Variants in KSR2 observed in about 807,000 individuals in gnomAD.
The protein encoded by KSR2 is kinase suppressor of ras 2.
KSR2 carries 25 observed loss-of-function variants against 107.8 expected under a neutral mutation model. That is an observed-to-expected ratio of 0.23 (90% CI 0.17 to 0.32). KSR2 has a LOEUF of 0.32. Among genes scored for constraint, KSR2 ranks in the 10% least tolerant of loss-of-function variants. KSR2 has a pLI of 1.00. For synonymous variants in KSR2, 480 were observed against 507.0 expected, an observed-to-expected ratio of 0.95 and a Z score of 0.71; for missense variants, 887 against 1,268.9, an observed-to-expected ratio of 0.70 and a Z score of 4.57.
At chr12:117,635,310 G>A (rs1053917412) in intron 5 of KSR2, among the ~76,000 whole-genome samples, 11 of 152,202 alleles carry the variant, frequency 7.2e-5, no homozygotes, top group African/African-American at 1.4e-4. Flanking sequence ...GGGAGGGTAG[G>A]TGATTATGAA....
At chr12:117,966,611 T>TCTCA (rs1555262158) in intron 1 of KSR2, among the ~76,000 whole-genome samples, 6 of 77,164 alleles carry the variant, frequency 7.8e-5, no homozygotes, top group African/African-American at 9.9e-5. Flanking sequence ...TCTCTCTCTC[T>TCTCA]CACACGCGCA....
intron 4 of KSR2, among the ~76,000 whole-genome samples, chr12:117,738,844 C>T (rs751623837): frequency 1.9e-4 from 29 of 152,092 alleles, no homozygotes; most frequent in East Asian, 3.9e-4. Flanking sequence ...CACTGCACTC[C>T]GGCCTGGGCG....
chr12:117,586,781 G>A (rs952538297), intron 5 of KSR2, among the ~76,000 whole-genome samples: 8 of 151,976 alleles, frequency 5.3e-5, no homozygotes, highest in South Asian at 2.1e-4. Context: ...CACACATAGC[G>A]TATCAGCCAT....
intron 5 of KSR2, among the ~76,000 whole-genome samples, chr12:117,603,358 A>C (rs996003120): frequency 2.6e-5 from 4 of 152,258 alleles, no homozygotes; most frequent in Non-Finnish European, 5.9e-5. Context: ...AACTGAAACC[A>C]AGATTACAGT....
intron 13 of KSR2, 27 bp downstream of exon 13, chr12:117,527,044 G>A: frequency 6.2e-7 from 1 of 1,609,798 alleles, no homozygotes; most frequent in East Asian, 2.2e-5. Flanking sequence ...CCTGGAAAAT[G>A]TCGCTTCACT....
chr12:117,747,914 A>G (rs1219208858), intron 4 of KSR2, among the ~76,000 whole-genome samples: 1 of 152,208 alleles, frequency 6.6e-6, no homozygotes, highest in Non-Finnish European at 1.5e-5. Flanking sequence ...AATACTAAAA[A>G]TAGAACTACC....
In KSR2 at chr12:117,792,329, G is replaced by A. The variant is rs181297289; in HGVS notation, c.473-30805C>T. On this transcript the variant is annotated intron_variant, in intron 3 of 19. Coordinates refer to ENST00000339824, the MANE Select transcript of KSR2 (RefSeq NM_173598.6). ...CGTGCCATTGCACTCCAGCCTGGTT[G>A]ACAGAGTGAGACACTGTCTTTAAAA... Among the ~76,000 whole-genome samples the A allele has an allele frequency of 1.9e-3, 285 of 151,828 alleles. 3 individuals are homozygous for A. Among genetic ancestry groups the A allele is most frequent in the African/African-American group, 6.7e-3 (275 of 41,320 alleles).
At chr12:117,963,166 A>C (rs906971612) in intron 1 of KSR2, among the ~76,000 whole-genome samples, 1 of 151,672 alleles carries the variant, frequency 6.6e-6, no homozygotes, top group African/African-American at 2.4e-5. Context: ...CTCCAGCCTG[A>C]GCAACGGAGC....
intron 1 of KSR2, among the ~76,000 whole-genome samples, chr12:117,938,002 A>G (rs1289583995): frequency 6.7e-6 from 1 of 149,934 alleles, no homozygotes; most frequent in East Asian, 1.9e-4. Context: ...AGCCTGAAAC[A>G]TATTAGACTC....
intron 4 of KSR2, among the ~76,000 whole-genome samples, chr12:117,721,412 A>C (rs907972992): frequency 1.3e-5 from 2 of 152,250 alleles, no homozygotes; most frequent in Admixed American, 1.3e-4. Context: ...GGTCAGAATA[A>C]TACTATTAAT....
chr12:117,818,114 A>T (rs1478328814), intron 3 of KSR2, among the ~76,000 whole-genome samples: 2 of 152,060 alleles, frequency 1.3e-5, no homozygotes, highest in Non-Finnish European at 2.9e-5. Flanking sequence ...AAAATAAAAA[A>T]AAAAAAGTTC....
chr12:117,545,236 A>G (rs1876771302), intron 9 of KSR2, among the ~76,000 whole-genome samples: 1 of 152,190 alleles, frequency 6.6e-6, no homozygotes, highest in African/African-American at 2.4e-5. Flanking sequence ...TTTCGCATCT[A>G]TATTAATGAA....
At chr12:117,646,840 G>C (rs1185817910) in intron 5 of KSR2, among the ~76,000 whole-genome samples, 1 of 152,090 alleles carries the variant, frequency 6.6e-6, no homozygotes, top group Non-Finnish European at 1.5e-5. Flanking sequence ...CAGTCCCCCA[G>C]CCACCACCTC....
At chr12:117,919,067 G>A (rs1411528154) in intron 1 of KSR2, among the ~76,000 whole-genome samples, 1 of 152,202 alleles carries the variant, frequency 6.6e-6, no homozygotes, top group Non-Finnish European at 1.5e-5. Context: ...GAACCCAAGA[G>A]TTTAAGGCTG....
chr12:117,525,295 C>A, intron 13 of KSR2, 76 bp from the exon 14 acceptor site: 1 of 1,451,100 alleles, frequency 6.9e-7, no homozygotes, highest in East Asian at 2.5e-5. Flanking sequence ...TGCTGGGTCC[C>A]GTGCACATGC....
intron 3 of KSR2, among the ~76,000 whole-genome samples, chr12:117,794,257 A>T (rs950752145): frequency 1.4e-3 from 48 of 33,940 alleles, no homozygotes; most frequent in Non-Finnish European, 1.6e-3. Context: ...ACATGCACAC[A>T]TACACCAACA....
chr12:117,560,406 G>A (rs965452068), intron 7 of KSR2, among the ~76,000 whole-genome samples: 26 of 151,978 alleles, frequency 1.7e-4, no homozygotes, highest in Non-Finnish European at 2.6e-4. Context: ...TGGGACCACC[G>A]AGAGTGCAGA....
chr12:117,533,485 A>G (rs1875808876), intron 10 of KSR2, among the ~76,000 whole-genome samples: 1 of 152,236 alleles, frequency 6.6e-6, no homozygotes, highest in African/African-American at 2.4e-5. Flanking sequence ...TTGATTCTGG[A>G]AAATGGGATG....
intron 4 of KSR2, among the ~76,000 whole-genome samples, chr12:117,668,703 A>T (rs186587452): frequency 1.7e-3 from 260 of 152,320 alleles, no homozygotes; most frequent in African/African-American, 6.1e-3. Flanking sequence ...AATGCCCGTA[A>T]GTGAATTAAT....
Sources: allele counts gnomAD v4.1 joint callset (sites outside exome capture counted in the v4.1 genomes callset), GRCh38; gene constraint gnomAD v4.1.1; transcripts MANE v1.5; gene names NCBI Gene and HGNC (gene_info 2026-07-23, HGNC 2026-07-21).